COG3: variants seen among roughly 807,000 people sequenced by gnomAD.
The protein encoded by COG3 is component of oligomeric golgi complex 3.
In COG3, 32 loss-of-function variants were observed where a neutral mutation model predicts 114.1. The ratio of observed to expected loss-of-function variants is 0.28; its 90% CI spans 0.21 to 0.38. The LOEUF (loss-of-function observed/expected upper bound fraction) is 0.38, where lower values mean the gene tolerates loss of function less well. COG3 is among the 10% of genes least tolerant of loss of function. The pLI is 1.00. For missense variants in COG3, 813 were observed against 973.2 expected (o/e 0.84, Z 2.19); for synonymous variants, 352 against 365.7 (o/e 0.96, Z 0.43).
At chr13:45,493,553 T>A in intron 12 of COG3, 67 bp downstream of exon 12, 1 of 1,434,354 alleles carries the variant, frequency 7.0e-7, no homozygotes, top group African/African-American at 1.4e-5. Context: ...AAAAAATAAG[T>A]GCTTCTTCCC....
chr13:45,496,127 A>G, intron 12 of COG3, 25 bp from the exon 13 acceptor site: 1 of 1,594,004 alleles, frequency 6.3e-7, no homozygotes, highest in Non-Finnish European at 8.6e-7. Context: ...ATCTAAAAGA[A>G]TGGATGATTG....
At chr13:45,523,662 CTA>C (rs928004634) in intron 19 of COG3, among the ~76,000 whole-genome samples, 1 of 152,084 alleles carries the variant, frequency 6.6e-6, no homozygotes, top group African/African-American at 2.4e-5. Context: ...AAACCTAAAT[CTA>C]TGTTATGAAA....
At chr13:45,493,847 T>G (rs554131443) in intron 12 of COG3, 1 of 93,514 alleles carries the variant, frequency 1.1e-5, no homozygotes, top group South Asian at 4.2e-4. Flanking sequence ...TGTATACTTT[T>G]GATTAAAAAA....
At chr13:45,485,248 C>T (rs1260603583) in intron 7 of COG3, among the ~76,000 whole-genome samples, 2 of 84,994 alleles carry the variant, frequency 2.4e-5, no homozygotes, top group African/African-American at 1.2e-4. Flanking sequence ...CCCCCACCTC[C>T]CTCCCGGATG....
intron 9 of COG3, 112 bp from the exon 10 acceptor site, chr13:45,491,300 G>C (rs1400284125): frequency 1.9e-6 from 2 of 1,040,602 alleles, no homozygotes; most frequent in African/African-American, 3.2e-5. Context: ...GGGCAAATGA[G>C]AGGTGACCGT....
At chr13:45,521,790 T>A (rs1040646645) in intron 19 of COG3, among the ~76,000 whole-genome samples, 1 of 146,384 alleles carries the variant, frequency 6.8e-6, no homozygotes, top group Non-Finnish European at 1.5e-5. Context: ...CATGCCTCTT[T>A]TATTTAGTTA....
intron 2 of COG3, 77 bp from the exon 3 acceptor site, chr13:45,478,928 C>A: frequency 1.0e-6 from 1 of 993,874 alleles, no homozygotes; most frequent in Non-Finnish European, 1.6e-6. Context: ...GTCCTTTTGA[C>A]TTGCTGCTTA....
chr13:45,500,094 G>GTGTGTGTATA (rs1321310200), intron 13 of COG3, among the ~76,000 whole-genome samples: 27 of 114,874 alleles, frequency 2.4e-4, no homozygotes, highest in African/African-American at 9.0e-4. Context: ...GTGTGTGTGT[G>GTGTGTGTATA]TATATATATA....
At chr13:45,490,077 C>G (rs939245960) in intron 8 of COG3, among the ~76,000 whole-genome samples, 1 of 152,058 alleles carries the variant, frequency 6.6e-6, no homozygotes, top group Non-Finnish European at 1.5e-5. Flanking sequence ...ATAATATATT[C>G]TAAGTGAATA....
chr13:45,516,716 C>T (rs543878818), intron 17 of COG3, among the ~76,000 whole-genome samples: 2 of 152,268 alleles, frequency 1.3e-5, no homozygotes, highest in East Asian at 1.9e-4. Flanking sequence ...CATCATTTCC[C>T]GGCCTTTGTG....
chr13:45,503,208 G>A, intron 13 of COG3, 36 bp from the exon 14 acceptor site: 1 of 1,037,494 alleles, frequency 9.6e-7, no homozygotes, highest in Non-Finnish European at 1.5e-6. Context: ...AAACACTGCT[G>A]AAAACGGTAA....
At chr13:45,514,319 C>A (rs1356388193) in intron 16 of COG3, among the ~76,000 whole-genome samples, 1 of 152,106 alleles carries the variant, frequency 6.6e-6, no homozygotes, top group Non-Finnish European at 1.5e-5. Flanking sequence ...TGCCACCACG[C>A]CCAGCTAATT....
rs1284300399 is a variant in COG3 at position 45,535,699 on chromosome 13, A to G, written c.*968A>G. On this transcript the variant is annotated 3_prime_UTR_variant, in exon 23 of 23. Transcript: ENST00000349995. ...GACCAGCTGTGTGGATCTCTAGCCC[A>G]GCTACAGCAGAATACATTTTACCAG... 1.0e-6 allele frequency: 1 copy of G among 979,052 alleles called. No individual in the cohort carries two copies. Among genetic ancestry groups the G allele is most frequent in the Non-Finnish European group, 1.2e-6 (1 of 827,360 alleles). 60.6% of individuals were successfully genotyped at this position (979,052 alleles called of 1,614,324 possible).
intron 14 of COG3, among the ~76,000 whole-genome samples, chr13:45,506,870 C>T (rs1045915254): frequency 2.0e-5 from 3 of 152,192 alleles, no homozygotes. Context: ...GGTGTCAGGG[C>T]AGATTGGTGG....
intron 21 of COG3, 129 bp from the exon 22 acceptor site, chr13:45,530,553 G>A (rs1287500586): frequency 5.3e-5 from 33 of 628,222 alleles, no homozygotes; most frequent in South Asian, 2.8e-4. Flanking sequence ...CAAATTATGC[G>A]TCTTTGGTAA....
intron 21 of COG3, 127 bp downstream of exon 21, chr13:45,530,045 T>TAGTGATTATTCAA: frequency 9.9e-7 from 1 of 1,005,174 alleles, no homozygotes; most frequent in Non-Finnish European, 1.4e-6. Flanking sequence ...AGTTGAATAA[T>TAGTGATTATTCAA]CACTATGATT....
At position 45,511,766 on chromosome 13, in the gene COG3, G is replaced by C. The variant is rs569692811; in HGVS notation, c.1721G>C (p.Arg574Thr). 1 of 1,611,600 alleles carries C rather than the reference G, an allele frequency of 6.2e-7. No individual in the cohort carries two copies. The highest frequency in any genetic ancestry group is 1.1e-5 in the South Asian group (1 of 91,014). ...CLSKLYRCID[R>T]AVFQGLSQEA... ...GATTATTCTCTTTTATTCCACCAGA[G>C]GGCAGTGTTCCAAGGATTATCACAG... The change falls in exon 16 of 23, where the codon AGG (arginine) becomes ACG (threonine). Residue 574 changes from arginine (R) to threonine (T), a missense_variant and splice_region_variant. Arg to Thr is a moderately conservative substitution (Grantham distance 71). Transcript: ENST00000349995.
At chr13:45,499,086 C>T (rs1221561742) in intron 13 of COG3, among the ~76,000 whole-genome samples, 1 of 151,984 alleles carries the variant, frequency 6.6e-6, no homozygotes, top group Non-Finnish European at 1.5e-5. Flanking sequence ...TTACTTCTAG[C>T]CCTCTTTAAA....
rs1566243670 is a variant in COG3 at position 45,479,081 on chromosome 13, T to C, written c.383+15T>C. The C allele has an allele frequency of 6.4e-7, 1 of 1,565,220 alleles. No homozygotes were observed. Among genetic ancestry groups the C allele is most frequent in the Admixed American group, 1.8e-5 (1 of 54,502 alleles). Reference sequence around the variant, plus strand: ...ACTAAATATAGGTATGTGTGTCTCTTGCATTTGTTGAATATCTTAATTTTT... The same window carrying C: ...ACTAAATATAGGTATGTGTGTCTCTCGCATTTGTTGAATATCTTAATTTTT... On this transcript the variant is annotated intron_variant, in intron 3 of 22. Transcript: ENST00000349995.
Sources: gnomAD v4.1 joint callset for allele counts (sites outside exome capture counted in the v4.1 genomes callset) on GRCh38, gnomAD v4.1.1 for gene constraint, MANE v1.5 for transcripts, NCBI Gene and HGNC (gene_info 2026-07-23, HGNC 2026-07-21) for gene names.